The following UGT2A1 variants were observed in gnomAD, a reference collection of about 807,000 sequenced individuals.
UGT2A1 encodes the protein UDP glucuronosyltransferase family 2 member A1 complex locus, also known as UDP-glucuronosyltransferase 2A1.
In UGT2A1, 61 loss-of-function variants were observed where a neutral mutation model predicts 45.4. That is an observed-to-expected ratio of 1.34 (90% CI 1.09 to 1.66). The LOEUF is 1.66. Among genes scored for constraint, UGT2A1 ranks in the 40% most tolerant of loss-of-function variants. The probability of loss-of-function intolerance (pLI) is 0.00; values close to 1 mark genes in which losing one functional copy is unlikely to be tolerated. For missense variants in UGT2A1, 649 were observed against 574.3 expected (o/e 1.13, Z -1.33); for synonymous variants, 229 against 196.2 (o/e 1.17, Z -1.40).
At chr4:69,640,347 T>C (rs1340415340) in intron 2 of UGT2A1, among the ~76,000 whole-genome samples, 2 of 152,004 alleles carry the variant, frequency 1.3e-5, no homozygotes, top group Admixed American at 1.3e-4. Context: ...CAATAGTATC[T>C]GTAAAGCTAC....
intron 3 of UGT2A1, among the ~76,000 whole-genome samples, chr4:69,619,717 C>A (rs562186264): frequency 6.6e-6 from 1 of 151,852 alleles, no homozygotes; most frequent in Non-Finnish European, 1.5e-5. Flanking sequence ...AAAATTCAGG[C>A]CAACAACCTT....
Position 69,605,019 on chromosome 4 carries a change from G to A in UGT2A1, c.848-5625C>T, listed in dbSNP as rs188719415. Among the ~76,000 whole-genome samples, 2 of 136,162 alleles carry A rather than the reference G, an allele frequency of 1.5e-5. 1 individual carries two copies. The highest frequency in any genetic ancestry group is 6.0e-5 in the African/African-American group (2 of 33,544). The allele number at this position is 136,162 out of a possible 152,430, so 89.3% of individuals were successfully genotyped here. On this transcript the variant is annotated intron_variant, in intron 3 of 6. Transcript: ENST00000286604. ...CAACGTTAGACAGATCAATGAGACA[G>A]AAAGATAACAAGTATATCCAGGAAT...
Position 69,635,758 on chromosome 4 carries a change from CAGA to C in UGT2A1, c.777_779del (p.Leu261del), listed in dbSNP as rs774122280. 2.7e-4 allele frequency: 56 copies of C among 207,466 alleles called. No individual in the cohort carries two copies. The highest frequency in any genetic ancestry group is 4.2e-4 in the Non-Finnish European group (43 of 101,234). The allele number at this position is 207,466 out of a possible 1,614,324, so 12.9% of individuals were successfully genotyped here. ...GGGAGAATCGCTTGAACCCGGGAAG[CAGA>C]GGTTGCAGTGAGCCAAGATCCGCCA... On this transcript the variant is annotated inframe_deletion, in exon 3 of 7. Coordinates refer to ENST00000286604, the MANE Select transcript of UGT2A1 (RefSeq NM_001252275.3).
rs755988696 is a variant in UGT2A1, at chr4:69,647,490, A to G, written c.155T>C (p.Val52Ala). The G allele has an allele frequency of 1.2e-6, 2 of 1,612,984 alleles. No homozygotes were observed. The highest frequency in any genetic ancestry group is 2.7e-5 in the African/African-American group (2 of 74,868). ...GAAAAGTGCACCAGAGGCAACTAGGACAGTCACATTATGCTCCTTTTTAAT... is the reference window on the plus strand; with the variant it reads ...GAAAAGTGCACCAGAGGCAACTAGGGCAGTCACATTATGCTCCTTTTTAAT... ...ELIKKEHNVT[V>A]LVASGALFIT... The change falls in exon 2 of 7, where the codon GTC (valine) becomes GCC (alanine). Residue 52 changes from valine to alanine, a missense_variant. By Grantham distance (64) the Val-to-Ala change is moderately conservative (BLOSUM62 0). Transcript: ENST00000286604.
At chr4:69,637,284 T>C (rs926809747) in intron 2 of UGT2A1, among the ~76,000 whole-genome samples, 2 of 152,158 alleles carry the variant, frequency 1.3e-5, no homozygotes, top group African/African-American at 4.8e-5. Context: ...GCATATGTTT[T>C]ATATGTGGTA....
Position 69,589,340 on chromosome 4 carries a change from T to G in UGT2A1, c.*32A>C, listed in dbSNP as rs150470223. The G allele has an allele frequency of 1.6e-4, 247 of 1,560,392 alleles. No individual in the cohort carries two copies. In the African/African-American group the frequency reaches 3.2e-3, roughly 20 times the overall value. On this transcript the variant is annotated 3_prime_UTR_variant, in exon 7 of 7. Transcript: ENST00000286604. ...ACACTACTCAGGATTTTGCCAAACT[T>G]AAAAATATATATATTTCCTCTTTTT... is the stretch of plus-strand genomic sequence containing the variant.
chr4:69,631,826 C>T (rs778367101), intron 3 of UGT2A1, among the ~76,000 whole-genome samples: 1 of 152,074 alleles, frequency 6.6e-6, no homozygotes, highest in Non-Finnish European at 1.5e-5. Context: ...CACAATTGAG[C>T]TAAAAACAAA....
rs1184921249 is a variant in UGT2A1, at chr4:69,596,190, A to G, written c.997-941T>C. On this transcript the variant is annotated intron_variant, in intron 4 of 6. Coordinates refer to ENST00000286604, the MANE Select transcript of UGT2A1 (RefSeq NM_001252275.3). ...ATTTTCATATGGAAAGAACATTACT[A>G]GCTGCATTGTCTCTCCCATTAGTAA... The G allele has an allele frequency of 6.4e-6, 9 of 1,411,432 alleles. No homozygotes were observed. The African/African-American group carries it at 7.2e-5, about 11-fold the overall frequency. 87.4% of individuals were successfully genotyped at this position (1,411,432 alleles called of 1,614,324 possible). A position where few individuals can be genotyped will look rare whatever the true frequency, so the allele number is the denominator to read the frequency against.
At chr4:69,597,065 G>T (rs1182100106) in intron 4 of UGT2A1, among the ~76,000 whole-genome samples, 1 of 152,054 alleles carries the variant, frequency 6.6e-6, no homozygotes, top group Non-Finnish European at 1.5e-5. Context: ...ACTGAGCTAG[G>T]CTTTTAAAAT....
chr4:69,647,209 C>T lies in UGT2A1; in HGVS notation c.436G>A (p.Val146Ile). The change falls in exon 2 of 7, where the codon GTC (valine) becomes ATC (isoleucine). Residue 146 changes from valine (V) to isoleucine (I), a missense_variant. Val to Ile is a conservative substitution (Grantham distance 29). Coordinates refer to ENST00000286604, the MANE Select transcript of UGT2A1 (RefSeq NM_001252275.3). ...GGAAATACTGGATCAGACACCAGGA[C>T]TTCAAACTTGCTTTTCTTTAGCTTT... Reference protein sequence around the residue: ...MAKLKKSKFEVLVSDPVFPCG... With the variant: ...MAKLKKSKFEILVSDPVFPCG... 6.2e-7 allele frequency: 1 copy of T among 1,613,284 alleles called. No individual in the cohort carries two copies. Among genetic ancestry groups the T allele is most frequent in the Non-Finnish European group, 8.5e-7 (1 of 1,179,468 alleles).
chr4:69,615,052 T>A (rs574106032), intron 3 of UGT2A1, among the ~76,000 whole-genome samples: 1 of 152,008 alleles, frequency 6.6e-6, no homozygotes, highest in African/African-American at 2.4e-5. Context: ...GAAGAGCAAG[T>A]GGAAAACCAG....
intron 3 of UGT2A1, among the ~76,000 whole-genome samples, chr4:69,612,853 G>A (rs1374564836): frequency 1.4e-5 from 2 of 148,038 alleles, no homozygotes; most frequent in African/African-American, 5.0e-5. Context: ...AAAAGCAATT[G>A]CAACTGAAAC....
rs1380509785 is a variant in UGT2A1, at chr4:69,603,487, G to T, written c.848-4093C>A. ...AGGGAAAAAACAGAGCAGAAAAACTGGAAACTCTAAAAATCAGAGTGCCTC... is the reference window on the plus strand; with the variant it reads ...AGGGAAAAAACAGAGCAGAAAAACTTGAAACTCTAAAAATCAGAGTGCCTC... On this transcript the variant is annotated intron_variant, in intron 3 of 6. Transcript: ENST00000286604. 4.4e-5 allele frequency: 6 copies of T among 136,554 alleles called. 1 individual carries two copies. Among genetic ancestry groups the T allele is most frequent in the African/African-American group, 1.8e-4 (6 of 33,724 alleles). 8.5% of individuals were successfully genotyped at this position (136,554 alleles called of 1,614,324 possible).
At chr4:69,617,630 C>T (rs113377701) in intron 3 of UGT2A1, among the ~76,000 whole-genome samples, 4,416 of 151,724 alleles carry the variant, frequency 0.029, 217 homozygotes, top group African/African-American at 0.1. Flanking sequence ...GATATAAATA[C>T]ATTAAAAGTT....
rs758807522 is a variant in UGT2A1 at position 69,604,487 on chromosome 4, C to T, written c.848-5093G>A. ...AAACATGCCACATTGTACAGACCATCGAGGCTAGGAAGAAACTGCATCAAC... is the reference window on the plus strand; with the variant it reads ...AAACATGCCACATTGTACAGACCATTGAGGCTAGGAAGAAACTGCATCAAC... On this transcript the variant is annotated intron_variant, in intron 3 of 6. Coordinates refer to ENST00000286604, the MANE Select transcript of UGT2A1 (RefSeq NM_001252275.3). Among the ~76,000 whole-genome samples, 217 of 136,542 alleles carry T rather than the reference C, an allele frequency of 1.6e-3. 35 individuals are homozygous for T. The highest frequency in any genetic ancestry group is 7.8e-3 in the Middle Eastern group (2 of 256). The allele number at this position is 136,542 out of a possible 152,430, so 89.6% of individuals were successfully genotyped here.
intron 3 of UGT2A1, among the ~76,000 whole-genome samples, chr4:69,604,073 A>G (rs1719459450): frequency 7.3e-6 from 1 of 136,260 alleles, no homozygotes; most frequent in South Asian, 2.4e-4. Context: ...AGAACGCCAC[A>G]AAGATACTCC....
At chr4:69,651,291 A>G (rs1412251935) in intron 1 of UGT2A1, among the ~76,000 whole-genome samples, 1 of 152,214 alleles carries the variant, frequency 6.6e-6, no homozygotes, top group Non-Finnish European at 1.5e-5. Flanking sequence ...AAAATCACTG[A>G]AAAGCTAATC....
intron 3 of UGT2A1, among the ~76,000 whole-genome samples, chr4:69,634,138 C>T (rs943531023): frequency 2.0e-5 from 3 of 151,716 alleles, no homozygotes; most frequent in East Asian, 3.9e-4. Context: ...CCAGCTACTC[C>T]GGAGGCTGAG....
chr4:69,603,822 G>C (rs1560472869), intron 3 of UGT2A1, among the ~76,000 whole-genome samples: 1 of 136,528 alleles, frequency 7.3e-6, no homozygotes, highest in Non-Finnish European at 1.6e-5. Flanking sequence ...TATCAGTGAT[G>C]GAAGATCAAA....
Sources: gnomAD v4.1 joint callset for allele counts (sites outside exome capture counted in the v4.1 genomes callset) on GRCh38, gnomAD v4.1.1 for gene constraint, MANE v1.5 for transcripts, NCBI Gene and HGNC (gene_info 2026-07-23, HGNC 2026-07-21) for gene names.